RBMS3: variants seen among roughly 807,000 people sequenced by gnomAD.
RBMS3 encodes RNA-binding motif, single-stranded-interacting protein 3.
In RBMS3, 27 loss-of-function variants were observed where a neutral mutation model predicts 66.8. That is an observed-to-expected ratio of 0.40 (90% CI 0.30 to 0.56). RBMS3 has a LOEUF of 0.56. Among genes scored for constraint, RBMS3 ranks in the 20% least tolerant of loss-of-function variants. The pLI, the probability that RBMS3 is intolerant of heterozygous loss-of-function variation, is 0.40. For missense variants in RBMS3, 513 were observed against 549.5 expected, an observed-to-expected ratio of 0.93 and a Z score of 0.66; for synonymous variants, 188 against 183.0, an observed-to-expected ratio of 1.03 and a Z score of -0.22.
At chr3:29,600,557 T>C (rs1315399309) in intron 4 of RBMS3, among the ~76,000 whole-genome samples, 2 of 152,076 alleles carry the variant, frequency 1.3e-5, no homozygotes, top group African/African-American at 4.8e-5. Context: ...ATATAAGTTA[T>C]GCAGCCTCAC....
chr3:29,979,511 C>T lies in RBMS3; in HGVS notation c.1099-8632C>T, dbSNP rs548374929. On this transcript the variant is annotated intron_variant, in intron 12 of 14. Transcript: ENST00000383767. The stretch of plus-strand genomic sequence containing the variant: ...TGCAGGTTTGTTACATAGGTATACA[C>T]GTGCCATGGTGGTTTGCTGCATCCA... Among the ~76,000 whole-genome samples the T allele has an allele frequency of 3.5e-3, 525 of 152,170 alleles. 1 individual carries two copies. The highest frequency in any genetic ancestry group is 9.7e-3 in the African/African-American group (402 of 41,516).
At chr3:29,300,088 G>T (rs745732133) in intron 1 of RBMS3, among the ~76,000 whole-genome samples, 29 of 151,844 alleles carry the variant, frequency 1.9e-4, no homozygotes, top group Non-Finnish European at 4.3e-4. Flanking sequence ...AATAATCAAA[G>T]AAATAATAAC....
intron 4 of RBMS3, among the ~76,000 whole-genome samples, chr3:29,688,228 C>T (rs1488199197): frequency 6.6e-6 from 1 of 152,114 alleles, no homozygotes; most frequent in Non-Finnish European, 1.5e-5. Flanking sequence ...GACCAATCTT[C>T]CAATGCTTTT....
intron 1 of RBMS3, among the ~76,000 whole-genome samples, chr3:29,352,047 T>A (rs2036946096): frequency 6.6e-6 from 1 of 152,182 alleles, no homozygotes; most frequent in African/African-American, 2.4e-5. Context: ...AATTCTCATA[T>A]GTTTTGGTTA....
intron 2 of RBMS3, among the ~76,000 whole-genome samples, chr3:29,453,630 C>T (rs575716006): frequency 1.3e-5 from 2 of 152,256 alleles, no homozygotes; most frequent in Non-Finnish European, 2.9e-5. Context: ...GTCCTGCATG[C>T]GTCCTGAGCT....
chr3:29,914,656 A>G (rs902304199), intron 10 of RBMS3, among the ~76,000 whole-genome samples: 2 of 151,910 alleles, frequency 1.3e-5, no homozygotes, highest in South Asian at 2.1e-4. Flanking sequence ...TATGTATTGT[A>G]TTACATATGT....
chr3:29,762,875 C>A, intron 5 of RBMS3, 35 bp from the exon 6 acceptor site: 1 of 1,361,758 alleles, frequency 7.3e-7, no homozygotes, highest in Non-Finnish European at 1.0e-6. Context: ...TTCTTGACAA[C>A]CATATATGAC....
chr3:29,458,202 C>T (rs1252366559), intron 2 of RBMS3, among the ~76,000 whole-genome samples: 1 of 152,126 alleles, frequency 6.6e-6, no homozygotes, highest in Non-Finnish European at 1.5e-5. Context: ...TTACTGAGTA[C>T]TTTCCAGTAT....
intron 6 of RBMS3, among the ~76,000 whole-genome samples, chr3:29,792,234 T>C (rs1264327314): frequency 6.6e-6 from 1 of 152,212 alleles, no homozygotes; most frequent in Non-Finnish European, 1.5e-5. Flanking sequence ...TATCCAAACA[T>C]TGGTTCCCTG....
intron 2 of RBMS3, among the ~76,000 whole-genome samples, chr3:29,436,080 T>A (rs1244307612): frequency 2.0e-5 from 3 of 152,234 alleles, no homozygotes; most frequent in Non-Finnish European, 2.9e-5. Context: ...GTGACTTAGC[T>A]GTGTATTTTT....
chr3:29,594,584 A>G (rs934150651), intron 4 of RBMS3, among the ~76,000 whole-genome samples: 2 of 152,180 alleles, frequency 1.3e-5, no homozygotes, highest in East Asian at 1.9e-4. Flanking sequence ...AGATCTCTCT[A>G]AAAATATATA....
intron 1 of RBMS3, among the ~76,000 whole-genome samples, chr3:29,395,446 G>C (rs1336545794): frequency 1.3e-5 from 2 of 152,140 alleles, no homozygotes; most frequent in African/African-American, 4.8e-5. Flanking sequence ...GGTAATTCCT[G>C]TTCTACCTAA....
chr3:29,853,721 G>C (rs899928021), intron 6 of RBMS3, among the ~76,000 whole-genome samples: 4 of 152,218 alleles, frequency 2.6e-5, no homozygotes, highest in African/African-American at 9.6e-5. Context: ...TCCCAGCCAG[G>C]CTTAGGGATT....
chr3:29,735,814 C>T (rs137925334), intron 4 of RBMS3, among the ~76,000 whole-genome samples: 1 of 152,150 alleles, frequency 6.6e-6, no homozygotes, highest in African/African-American at 2.4e-5. Context: ...TAGCCTGTTC[C>T]TCTAGCTGAG....
At chr3:29,618,596 G>T (rs1255090061) in intron 4 of RBMS3, among the ~76,000 whole-genome samples, 1 of 151,986 alleles carries the variant, frequency 6.6e-6, no homozygotes, top group Non-Finnish European at 1.5e-5. Flanking sequence ...TGTGGGTGGG[G>T]ATAGGTAATG....
intron 6 of RBMS3, among the ~76,000 whole-genome samples, chr3:29,797,425 A>G (rs1049700600): frequency 6.6e-6 from 1 of 152,226 alleles, no homozygotes; most frequent in African/African-American, 2.4e-5. Context: ...GCATTAAGAA[A>G]TGTAGCTAGT....
chr3:29,931,407 AT>A (rs1285285891), intron 10 of RBMS3, among the ~76,000 whole-genome samples: 2 of 152,176 alleles, frequency 1.3e-5, no homozygotes, highest in African/African-American at 4.8e-5. Flanking sequence ...TACCTCCAGC[AT>A]TTGTCAAATC....
chr3:29,983,014 G>C (rs1698099239), intron 12 of RBMS3, among the ~76,000 whole-genome samples: 1 of 152,130 alleles, frequency 6.6e-6, no homozygotes, highest in Non-Finnish European at 1.5e-5. Flanking sequence ...GAGTATTAAA[G>C]TGTCCCGCTA....
intron 4 of RBMS3, among the ~76,000 whole-genome samples, chr3:29,624,850 C>T (rs1228245954): frequency 6.6e-6 from 1 of 152,090 alleles, no homozygotes; most frequent in Non-Finnish European, 1.5e-5. Flanking sequence ...GAATGTATCT[C>T]TTGGTCCCAT....
Sources: gnomAD v4.1 joint callset for allele counts (sites outside exome capture counted in the v4.1 genomes callset) on GRCh38, gnomAD v4.1.1 for gene constraint, MANE v1.5 for transcripts, NCBI Gene and HGNC (gene_info 2026-07-23, HGNC 2026-07-21) for gene names.